Variants in CPED1 observed in about 807,000 individuals in gnomAD.
The protein encoded by CPED1 is cadherin-like and PC-esterase domain-containing protein 1.
A neutral mutation model predicts 128.2 loss-of-function variants in CPED1; 114 were observed. That is an observed-to-expected ratio of 0.89 (90% CI 0.76 to 1.04). CPED1 has a LOEUF of 1.04. CPED1 is among the 50% of genes least tolerant of loss of function. CPED1 has a pLI of 0.00. For missense variants in CPED1, 1,211 were observed against 1,207.1 expected, an observed-to-expected ratio of 1.00 and a Z score of -0.05; for synonymous variants, 462 against 426.7, an observed-to-expected ratio of 1.08 and a Z score of -1.02.
chr7:121,190,373 C>T (rs968190909), intron 16 of CPED1, among the ~76,000 whole-genome samples: 4 of 116,122 alleles, frequency 3.4e-5, no homozygotes, highest in Non-Finnish European at 6.5e-5. Flanking sequence ...GCCTAGGTGA[C>T]AGAGCGAGAC....
chr7:121,125,951 T>C, intron 9 of CPED1, 59 bp downstream of exon 9: 1 of 1,205,828 alleles, frequency 8.3e-7, no homozygotes, highest in Admixed American at 1.8e-5. Context: ...TCAGTGTGTG[T>C]GTGTTGTTGT....
At chr7:121,140,679 A>G (rs553305775) in intron 14 of CPED1, 148 bp from the exon 15 acceptor site, 2 of 590,322 alleles carry the variant, frequency 3.4e-6, no homozygotes, top group Admixed American at 7.0e-5. Context: ...CCACAAATCA[A>G]CTATGATCAG....
At position 121,071,844 on chromosome 7, in the gene CPED1, T is replaced by G. The variant is rs372204951; in HGVS notation, c.616+7531T>G. Among the ~76,000 whole-genome samples the G allele has an allele frequency of 5.3e-5, 8 of 152,136 alleles. 1 individual carries two copies. The highest frequency in any genetic ancestry group is 1.9e-4 in the African/African-American group (8 of 41,508). ...GAGTTTATCCATGATCTCATTTCTCTTCAGCTTCAGCTTCAGCCTCCCACC... is the reference window on the plus strand; with the variant it reads ...GAGTTTATCCATGATCTCATTTCTCGTCAGCTTCAGCTTCAGCCTCCCACC... On this transcript the variant is annotated intron_variant, in intron 5 of 22. Transcript: ENST00000310396.
intron 5 of CPED1, among the ~76,000 whole-genome samples, chr7:121,089,972 C>T (rs1292615415): frequency 5.9e-5 from 9 of 152,146 alleles, no homozygotes; most frequent in Non-Finnish European, 8.8e-5. Flanking sequence ...GTGGTCATTG[C>T]AGCGAAATCA....
At chr7:121,254,598 A>G (rs1325133025) in intron 18 of CPED1, among the ~76,000 whole-genome samples, 1 of 152,040 alleles carries the variant, frequency 6.6e-6, no homozygotes, top group East Asian at 1.9e-4. Context: ...AAAAATCCTT[A>G]CAAAAGATCA....
chr7:121,276,424 A>G (rs952685462), intron 22 of CPED1, among the ~76,000 whole-genome samples: 2 of 152,100 alleles, frequency 1.3e-5, no homozygotes, highest in African/African-American at 2.4e-5. Flanking sequence ...CTTTTACTAA[A>G]TCATTCAACA....
chr7:121,175,241 T>A (rs1796747695), intron 16 of CPED1, among the ~76,000 whole-genome samples: 1 of 152,084 alleles, frequency 6.6e-6, no homozygotes, highest in Admixed American at 6.6e-5. Context: ...TAGCTAGGAC[T>A]TCCAATACTA....
intron 22 of CPED1, among the ~76,000 whole-genome samples, chr7:121,289,189 A>T (rs2116786624): frequency 6.6e-6 from 1 of 152,306 alleles, no homozygotes; most frequent in Non-Finnish European, 1.5e-5. Context: ...CTTAAGAGTT[A>T]CCTGATCTGA....
At chr7:121,126,298 GT>G (rs1223780128) in intron 9 of CPED1, among the ~76,000 whole-genome samples, 1 of 151,748 alleles carries the variant, frequency 6.6e-6, no homozygotes, top group Non-Finnish European at 1.5e-5. Flanking sequence ...TTTATATTTA[GT>G]TTAAAAAAAC....
intron 16 of CPED1, among the ~76,000 whole-genome samples, chr7:121,176,076 A>T (rs756893311): frequency 1.3e-5 from 2 of 151,422 alleles, no homozygotes; most frequent in Non-Finnish European, 2.9e-5. Flanking sequence ...AAATTACTTG[A>T]GGAATTAGTC....
intron 16 of CPED1, among the ~76,000 whole-genome samples, chr7:121,234,484 C>T (rs1033231467): frequency 3.3e-5 from 5 of 151,940 alleles, no homozygotes; most frequent in Admixed American, 1.3e-4. Flanking sequence ...TTAAAAGTAA[C>T]GTCTAACATG....
At chr7:121,126,844 C>T (rs549884047) in intron 9 of CPED1, among the ~76,000 whole-genome samples, 31 of 152,024 alleles carry the variant, frequency 2.0e-4, no homozygotes, top group African/African-American at 6.3e-4. Flanking sequence ...TAAAGGGTAT[C>T]GAGATAAACT....
At chr7:121,190,761 A>G (rs1797118466) in intron 16 of CPED1, among the ~76,000 whole-genome samples, 1 of 152,022 alleles carries the variant, frequency 6.6e-6, no homozygotes, top group Non-Finnish European at 1.5e-5. Flanking sequence ...TTTGACCGTC[A>G]AAAACTTCTC....
intron 16 of CPED1, among the ~76,000 whole-genome samples, chr7:121,209,262 A>T (rs1351144877): frequency 6.6e-6 from 1 of 151,976 alleles, no homozygotes; most frequent in Non-Finnish European, 1.5e-5. Flanking sequence ...TTTTTATATA[A>T]CTAGTCATTG....
intron 4 of CPED1, among the ~76,000 whole-genome samples, chr7:121,055,583 GATATA>G (rs1793475245): frequency 6.8e-6 from 1 of 147,666 alleles, no homozygotes; most frequent in East Asian, 1.9e-4. Flanking sequence ...TAAAAATATA[GATATA>G]ATAAATAATT....
At chr7:121,153,844 GA>G (rs1233769525) in intron 16 of CPED1, among the ~76,000 whole-genome samples, 2 of 151,998 alleles carry the variant, frequency 1.3e-5, no homozygotes, top group Non-Finnish European at 2.9e-5. Flanking sequence ...CTGACAATTT[GA>G]AAAAACTCAC....
intron 7 of CPED1, among the ~76,000 whole-genome samples, chr7:121,108,576 A>G (rs1210919305): frequency 6.6e-6 from 1 of 152,108 alleles, no homozygotes; most frequent in Non-Finnish European, 1.5e-5. Flanking sequence ...ATTTAAGTGA[A>G]GAAATGTACA....
chr7:121,137,671 G>C (rs1795813944), intron 14 of CPED1, among the ~76,000 whole-genome samples: 1 of 151,948 alleles, frequency 6.6e-6, no homozygotes, highest in Admixed American at 6.6e-5. Context: ...TGCTAATAGA[G>C]AACAAAGATA....
Position 121,064,193 on chromosome 7 carries a change from G to A in CPED1, c.541-45G>A, listed in dbSNP as rs751431270. The A allele has an allele frequency of 3.7e-6, 5 of 1,350,620 alleles. No individual in the cohort carries two copies. The East Asian group carries it at 9.2e-5, about 25-fold the overall frequency. 83.7% of individuals were successfully genotyped at this position (1,350,620 alleles called of 1,614,324 possible). A position where few individuals can be genotyped will look rare whatever the true frequency, so the allele number is the denominator to read the frequency against. ...TGTGTTTGCTTGGTTTTGCTTTAGCGTTGATGAATGCCTCACTCACTAGAA... is the reference window on the plus strand; with the variant it reads ...TGTGTTTGCTTGGTTTTGCTTTAGCATTGATGAATGCCTCACTCACTAGAA... On this transcript the variant is annotated intron_variant, in intron 4 of 22. Coordinates refer to ENST00000310396, the MANE Select transcript of CPED1 (RefSeq NM_024913.5).
Sources: gnomAD v4.1 joint callset for allele counts (sites outside exome capture counted in the v4.1 genomes callset) on GRCh38, gnomAD v4.1.1 for gene constraint, MANE v1.5 for transcripts, NCBI Gene and HGNC (gene_info 2026-07-23, HGNC 2026-07-21) for gene names.